DIAPH2: variants seen among roughly 807,000 people sequenced by gnomAD.
DIAPH2 encodes diaphanous related formin 2, also known as protein diaphanous homolog 2.
DIAPH2 carries 35 observed loss-of-function variants against 92.7 expected under a neutral mutation model. That is an observed-to-expected ratio of 0.38 (90% CI 0.29 to 0.50). The LOEUF is 0.50. DIAPH2 is among the 20% of genes least tolerant of loss of function. The pLI, the probability that DIAPH2 is intolerant of heterozygous loss-of-function variation, is 0.94. For synonymous variants in DIAPH2, 301 were observed against 280.4 expected (o/e 1.07, Z -0.73); for missense variants, 701 against 819.5 (o/e 0.86, Z 1.77).
chrX:96,696,097 T>C (rs928996377), intron 1 of DIAPH2, among the ~76,000 whole-genome samples: 1 of 111,633 alleles, frequency 9.0e-6, no homozygotes, highest in African/African-American at 3.3e-5. Context: ...TTTAAAAAGG[T>C]TGGGCTGGGT....
intron 26 of DIAPH2, among the ~76,000 whole-genome samples, chrX:97,538,096 G>A (rs1263760516): frequency 2.7e-5 from 3 of 109,988 alleles, no homozygotes; most frequent in Non-Finnish European, 5.7e-5. Flanking sequence ...ATGTTAGCCA[G>A]GATGGTCTCG....
At chrX:97,425,344 A>C in intron 25 of DIAPH2, among the ~76,000 whole-genome samples, 1 of 112,346 alleles carries the variant, frequency 8.9e-6, no homozygotes, top group Non-Finnish European at 1.9e-5. Context: ...GATCTATTGT[A>C]CATCATGGTA....
At position 97,185,482 on chromosome X, in the gene DIAPH2, T is replaced by TAC. The variant is rs1264602067; in HGVS notation, c.2719+43689_2719+43690insCA. On this transcript the variant is annotated intron_variant, in intron 22 of 26. Coordinates refer to ENST00000324765, the MANE Select transcript of DIAPH2 (RefSeq NM_006729.5). Reference sequence around the variant, plus strand: ...ATATATATATATATACACATATATATATATATATATATATATATATATATA... The same window carrying TAC: ...ATATATATATATATACACATATATATACATATATATATATATATATATATATA... 3.2e-3 allele frequency among the ~76,000 whole-genome samples: 27 copies of TAC among 8,473 alleles called. 2 individuals carry two copies. Among genetic ancestry groups the TAC allele is most frequent in the African/African-American group, 6.3e-3 (26 of 4,110 alleles). 7.4% of individuals were successfully genotyped at this position (8,473 alleles called of 115,157 possible). A position where few individuals can be genotyped will look rare whatever the true frequency, so the allele number is the denominator to read the frequency against.
intron 23 of DIAPH2, among the ~76,000 whole-genome samples, chrX:97,334,412 G>A (rs1441848561): frequency 9.7e-6 from 1 of 102,933 alleles, no homozygotes; most frequent in Non-Finnish European, 2.0e-5. Flanking sequence ...GCAGTGAGCC[G>A]AGATCGCGCC....
At chrX:97,175,846 G>A (rs1010655273) in intron 22 of DIAPH2, among the ~76,000 whole-genome samples, 1 of 111,778 alleles carries the variant, frequency 8.9e-6, no homozygotes, top group South Asian at 3.7e-4. Flanking sequence ...TTTTACAGAC[G>A]AATGATACGT....
intron 23 of DIAPH2, among the ~76,000 whole-genome samples, chrX:97,279,974 A>G (rs774092213): frequency 6.3e-5 from 7 of 111,668 alleles, no homozygotes; most frequent in Non-Finnish European, 1.3e-4. Flanking sequence ...ATATAGATAT[A>G]TGGATATGTT....
intron 23 of DIAPH2, among the ~76,000 whole-genome samples, chrX:97,314,044 CA>C (rs1429025879): frequency 3.6e-5 from 4 of 110,526 alleles, no homozygotes; most frequent in African/African-American, 1.3e-4. Context: ...ATGGCCTAGT[CA>C]GGAATATTGT....
intron 17 of DIAPH2, among the ~76,000 whole-genome samples, chrX:97,015,612 G>A (rs2066254715): frequency 1.8e-5 from 2 of 110,224 alleles, no homozygotes; most frequent in Admixed American, 9.7e-5. Flanking sequence ...AATATGTGTC[G>A]GTGTACATGT....
intron 26 of DIAPH2, among the ~76,000 whole-genome samples, chrX:97,532,480 G>A (rs2071066889): frequency 8.9e-6 from 1 of 112,513 alleles, no homozygotes; most frequent in Non-Finnish European, 1.9e-5. Flanking sequence ...ATCCCCAGAA[G>A]GAGGCTTCTC....
chrX:96,981,608 A>G (rs2065998292), intron 17 of DIAPH2, among the ~76,000 whole-genome samples: 2 of 111,878 alleles, frequency 1.8e-5, no homozygotes, highest in South Asian at 7.4e-4. Flanking sequence ...TCTACCCTAT[A>G]CAGTAGGTAC....
chrX:97,122,246 A>G (rs2067063509), intron 21 of DIAPH2, among the ~76,000 whole-genome samples: 3 of 111,596 alleles, frequency 2.7e-5, no homozygotes, highest in Non-Finnish European at 5.6e-5. Context: ...GTGTAACTGT[A>G]GGCCTATCAA....
intron 23 of DIAPH2, among the ~76,000 whole-genome samples, chrX:97,287,442 G>A (rs754939904): frequency 9.0e-6 from 1 of 111,528 alleles, no homozygotes; most frequent in East Asian, 2.8e-4. Flanking sequence ...TGAAAAATGC[G>A]AAGAGTCAAA....
chrX:96,998,960 G>C (rs886466606), intron 17 of DIAPH2, among the ~76,000 whole-genome samples: 2 of 112,091 alleles, frequency 1.8e-5, no homozygotes, highest in East Asian at 2.8e-4. Context: ...CGTTGTAATC[G>C]TTTTTATCAC....
intron 17 of DIAPH2, among the ~76,000 whole-genome samples, chrX:97,027,733 T>G (rs1169610244): frequency 3.6e-5 from 4 of 112,171 alleles, no homozygotes; most frequent in African/African-American, 1.3e-4. Flanking sequence ...AGAGTGAGTC[T>G]TTTATTTAGA....
intron 4 of DIAPH2, among the ~76,000 whole-genome samples, chrX:96,804,780 C>A (rs1010289007): frequency 1.8e-5 from 2 of 111,250 alleles, no homozygotes; most frequent in Non-Finnish European, 3.8e-5. Flanking sequence ...ATTTATTCAG[C>A]ATAAATAAAT....
intron 22 of DIAPH2, among the ~76,000 whole-genome samples, chrX:97,191,024 TC>T (rs1408989145): frequency 9.2e-6 from 1 of 109,284 alleles, no homozygotes; most frequent in African/African-American, 3.3e-5. Flanking sequence ...TGGACCTGAC[TC>T]TCATACAGAG....
intron 17 of DIAPH2, among the ~76,000 whole-genome samples, chrX:97,010,526 T>C (rs1165090345): frequency 8.9e-6 from 1 of 111,963 alleles, no homozygotes; most frequent in Non-Finnish European, 1.9e-5. Context: ...GGGAGGATGA[T>C]CACAGTAGAC....
chrX:97,506,479 T>A (rs1263035845), intron 26 of DIAPH2, among the ~76,000 whole-genome samples: 1 of 95,584 alleles, frequency 1.0e-5, no homozygotes, highest in East Asian at 3.4e-4. Flanking sequence ...TTTCAGATGG[T>A]AAACTAAAAG....
chrX:96,710,032 T>C (rs1159576949), intron 1 of DIAPH2, among the ~76,000 whole-genome samples: 2 of 111,866 alleles, frequency 1.8e-5, no homozygotes, highest in Non-Finnish European at 3.8e-5. Flanking sequence ...TTTTTTCAAG[T>C]ACGGTACTTA....
Sources: allele counts gnomAD v4.1 joint callset (sites outside exome capture counted in the v4.1 genomes callset), GRCh38; gene constraint gnomAD v4.1.1; transcripts MANE v1.5; gene names NCBI Gene and HGNC (gene_info 2026-07-23, HGNC 2026-07-21).